Variants in GOLGA7B observed in about 807,000 individuals in gnomAD.
The protein encoded by GOLGA7B is golgin A7 family member B.
In GOLGA7B, 17 loss-of-function variants were observed where a neutral mutation model predicts 21.5. The observed-to-expected ratio is 0.79, with a 90% CI of 0.54 to 1.19. The LOEUF (loss-of-function observed/expected upper bound fraction) is 1.19, where lower values mean the gene tolerates loss of function less well. GOLGA7B is among the 50% of genes most tolerant of loss of function. The probability of loss-of-function intolerance (pLI) is 0.00; values close to 1 mark genes in which losing one functional copy is unlikely to be tolerated. For synonymous variants in GOLGA7B, 87 were observed against 84.0 expected (o/e 1.04, Z -0.19); for missense variants, 169 against 224.4 (o/e 0.75, Z 1.58).
At chr10:97,851,182 C>T (rs1276591018) in intron 1 of GOLGA7B, among the ~76,000 whole-genome samples, 1 of 152,120 alleles carries the variant, frequency 6.6e-6, no homozygotes, top group African/African-American at 2.4e-5. Flanking sequence ...AGCAGCAGAG[C>T]GGAAAGTTTT....
chr10:97,859,594 C>G lies in GOLGA7B; in HGVS notation c.138+11C>G. The stretch of plus-strand genomic sequence containing the variant: ...GAGCTGGACAGCCGGGTAAGGATGC[C>G]TTTTTCTGCACTTGGAACCCAGGGC... On this transcript the variant is annotated intron_variant, in intron 2 of 4. Coordinates refer to ENST00000370602, the MANE Select transcript of GOLGA7B (RefSeq NM_001010917.3). The G allele has an allele frequency of 1.2e-6, 2 of 1,613,074 alleles. No individual in the cohort carries two copies. The highest frequency in any genetic ancestry group is 3.3e-4 in the Middle Eastern group (2 of 6,054).
Position 97,866,496 on chromosome 10 carries a change from G to A in GOLGA7B, c.*796G>A, listed in dbSNP as rs1254969172. ...TCCTGAACTACAGCCAGTTTCCTGAGATTAGAACCTGTGTGTATGCACATG... is the reference window on the plus strand; with the variant it reads ...TCCTGAACTACAGCCAGTTTCCTGAAATTAGAACCTGTGTGTATGCACATG... On this transcript the variant is annotated 3_prime_UTR_variant, in exon 5 of 5. Transcript: ENST00000370602. 2 of 152,252 alleles carry A rather than the reference G, an allele frequency of 1.3e-5. No homozygotes were observed. Among genetic ancestry groups the A allele is most frequent in the Non-Finnish European group, 2.9e-5 (2 of 68,058 alleles). The allele number at this position is 152,252 out of a possible 1,614,324, so 9.4% of individuals were successfully genotyped here.
At chr10:97,862,382 C>G (rs1363865958) in intron 2 of GOLGA7B, among the ~76,000 whole-genome samples, 1 of 152,190 alleles carries the variant, frequency 6.6e-6, no homozygotes, top group Non-Finnish European at 1.5e-5. Context: ...AACTTAACTA[C>G]TAGTAGCCTA....
intron 2 of GOLGA7B, among the ~76,000 whole-genome samples, chr10:97,860,731 T>C (rs1413489838): frequency 2.6e-5 from 4 of 152,194 alleles, no homozygotes; most frequent in African/African-American, 7.2e-5. Flanking sequence ...TAGATTACAC[T>C]TGGAATTGCT....
At chr10:97,861,680 C>T (rs2049972042) in intron 2 of GOLGA7B, among the ~76,000 whole-genome samples, 1 of 152,254 alleles carries the variant, frequency 6.6e-6, no homozygotes, top group East Asian at 1.9e-4. Context: ...CCTGAGCTTT[C>T]ACTCAGCAGC....
intron 2 of GOLGA7B, among the ~76,000 whole-genome samples, chr10:97,861,058 T>G (rs1292681900): frequency 4.6e-5 from 7 of 152,234 alleles, no homozygotes; most frequent in Admixed American, 6.5e-5. Flanking sequence ...CAACAATACC[T>G]GGGAGCTTGA....
At chr10:97,861,904 G>C (rs2049973438) in intron 2 of GOLGA7B, among the ~76,000 whole-genome samples, 1 of 152,194 alleles carries the variant, frequency 6.6e-6, no homozygotes, top group African/African-American at 2.4e-5. Context: ...GTTCTCCCCA[G>C]GTCTGTGTAG....
At chr10:97,863,264 T>C (rs971925581) in intron 2 of GOLGA7B, among the ~76,000 whole-genome samples, 3 of 152,198 alleles carry the variant, frequency 2.0e-5, no homozygotes, top group South Asian at 4.1e-4. Flanking sequence ...ACTTTTCTGA[T>C]AGAATTGTTC....
intron 2 of GOLGA7B, among the ~76,000 whole-genome samples, chr10:97,863,420 A>G (rs1244870114): frequency 6.6e-6 from 1 of 152,108 alleles, no homozygotes; most frequent in Non-Finnish European, 1.5e-5. Context: ...TCTGAGCTAG[A>G]AGGAAATGCC....
intron 2 of GOLGA7B, 88 bp downstream of exon 2, chr10:97,859,671 A>T: frequency 7.2e-7 from 1 of 1,395,274 alleles, no homozygotes; most frequent in Non-Finnish European, 9.9e-7. Flanking sequence ...GGATCCTATG[A>T]CACATAATAT....
chr10:97,863,968 C>G lies in GOLGA7B; in HGVS notation c.177C>G (p.Leu59=), dbSNP rs749171938. ...RQLFEETVKT[L]NGFYAEAEKI... The stretch of plus-strand genomic sequence containing the variant: ...TCTTTGAAGAGACTGTGAAGACCCT[C>G]AACGGATTTTACGCAGAGGCTGAGA... Residue 59 remains leucine (L), a synonymous_variant, in exon 3 of 5, where the codon CTC becomes CTG. Transcript: ENST00000370602. 1 of 1,614,042 alleles carries G rather than the reference C, an allele frequency of 6.2e-7. No homozygotes were observed. The highest frequency in any genetic ancestry group is 8.5e-7 in the Non-Finnish European group (1 of 1,180,012).
At position 97,868,809 on chromosome 10, in the gene GOLGA7B, T is replaced by C. The variant is rs1413939339; in HGVS notation, c.*3109T>C. Reference sequence around the variant, plus strand: ...GGGTAAAACCAAATCTGGGTGCTTATCTGACTGAGAGGCATTCAACCCTTC... The same window carrying C: ...GGGTAAAACCAAATCTGGGTGCTTACCTGACTGAGAGGCATTCAACCCTTC... On this transcript the variant is annotated 3_prime_UTR_variant, in exon 5 of 5. Transcript: ENST00000370602. The C allele has an allele frequency of 3.3e-5, 5 of 152,112 alleles. No individual in the cohort carries two copies. Among genetic ancestry groups the C allele is most frequent in the Non-Finnish European group, 5.9e-5 (4 of 68,012 alleles). 9.4% of individuals were successfully genotyped at this position (152,112 alleles called of 1,614,324 possible). A position where few individuals can be genotyped will look rare whatever the true frequency, so the allele number is the denominator to read the frequency against.
intron 4 of GOLGA7B, 117 bp from the exon 5 acceptor site, chr10:97,865,473 G>A: frequency 2.0e-6 from 3 of 1,535,834 alleles, no homozygotes; most frequent in Non-Finnish European, 2.6e-6. Context: ...CATCCCTACT[G>A]TCTAGGCAGC....
intron 1 of GOLGA7B, among the ~76,000 whole-genome samples, chr10:97,857,905 T>C (rs1252615872): frequency 6.6e-6 from 1 of 152,146 alleles, no homozygotes; most frequent in African/African-American, 2.4e-5. Context: ...TTTAAGCAAG[T>C]TTAAGTATCT....
chr10:97,865,750 C>G lies in GOLGA7B; in HGVS notation c.*50C>G, dbSNP rs1047629307. 1.3e-6 allele frequency: 2 copies of G among 1,544,670 alleles called. No homozygotes were observed. Among genetic ancestry groups the G allele is most frequent in the Non-Finnish European group, 1.7e-6 (2 of 1,143,494 alleles). ...GTGTATGGCCGGAGTGAGGGCCTTG[C>G]AGACCTGCGGCGGCTGCGCTACCAG... On this transcript the variant is annotated 3_prime_UTR_variant, in exon 5 of 5. Coordinates refer to ENST00000370602, the MANE Select transcript of GOLGA7B (RefSeq NM_001010917.3).
chr10:97,866,033 C>T lies in GOLGA7B; in HGVS notation c.*333C>T, dbSNP rs535883681. The T allele has an allele frequency of 1.1e-4, 36 of 336,822 alleles. No homozygotes were observed. Among genetic ancestry groups the T allele is most frequent in the African/African-American group, 6.8e-4 (33 of 48,306 alleles). 20.9% of individuals were successfully genotyped at this position (336,822 alleles called of 1,614,324 possible). ...GGCCCCTCTCTTCCACAGCCCCTCT[C>T]CCAACCCTGCGAGGGGGGCCGAGGC... On this transcript the variant is annotated 3_prime_UTR_variant, in exon 5 of 5. Transcript: ENST00000370602.
rs946110662 is a variant in GOLGA7B, at chr10:97,865,869, T to G, written c.*169T>G. On this transcript the variant is annotated 3_prime_UTR_variant, in exon 5 of 5. Transcript: ENST00000370602. ...TCATATTTCCTGTGGGCCATCAACC[T>G]ATGCCCCCTGTCCCTCACCCCCGTC... 6.1e-6 allele frequency: 7 copies of G among 1,145,954 alleles called. No individual in the cohort carries two copies. The highest frequency in any genetic ancestry group is 1.6e-5 in the African/African-American group (1 of 64,198). 71.0% of individuals were successfully genotyped at this position (1,145,954 alleles called of 1,614,324 possible). A position where few individuals can be genotyped will look rare whatever the true frequency, so the allele number is the denominator to read the frequency against.
In GOLGA7B at chr10:97,866,023, C is replaced by T. The variant is rs1251647648; in HGVS notation, c.*323C>T. 1 of 359,770 alleles carries T rather than the reference C, an allele frequency of 2.8e-6. No individual in the cohort carries two copies. Among genetic ancestry groups the T allele is most frequent in the African/African-American group, 2.0e-5 (1 of 48,968 alleles). The allele number at this position is 359,770 out of a possible 1,614,324, so 22.3% of individuals were successfully genotyped here. A position where few individuals can be genotyped will look rare whatever the true frequency, so the allele number is the denominator to read the frequency against. On this transcript the variant is annotated 3_prime_UTR_variant, in exon 5 of 5. Coordinates refer to ENST00000370602, the MANE Select transcript of GOLGA7B (RefSeq NM_001010917.3). ...CAACCTAGGCGGCCCCTCTCTTCCA[C>T]AGCCCCTCTCCCAACCCTGCGAGGG...
chr10:97,850,341 G>A (rs912592261), intron 1 of GOLGA7B, 26 bp downstream of exon 1: 4 of 1,510,980 alleles, frequency 2.6e-6, no homozygotes, highest in Admixed American at 2.1e-5. Context: ...CCACCCGCAG[G>A]CAGTGCCCGA....
Sources: allele counts gnomAD v4.1 joint callset (sites outside exome capture counted in the v4.1 genomes callset), GRCh38; gene constraint gnomAD v4.1.1; transcripts MANE v1.5; gene names NCBI Gene and HGNC (gene_info 2026-07-23, HGNC 2026-07-21).